Variants in ENSA observed in about 807,000 individuals in gnomAD.
The protein encoded by ENSA is alpha-endosulfine.
A neutral mutation model predicts 16.8 loss-of-function variants in ENSA; 7 were observed. The ratio of observed to expected loss-of-function variants is 0.42; its 90% CI spans 0.24 to 0.78. ENSA has a LOEUF of 0.78. Among genes scored for constraint, ENSA ranks in the 30% least tolerant of loss-of-function variants. ENSA has a pLI of 0.29. For synonymous variants in ENSA, 58 were observed against 53.4 expected, an observed-to-expected ratio of 1.09 and a Z score of -0.37; for missense variants, 87 against 142.3, an observed-to-expected ratio of 0.61 and a Z score of 1.98.
At chr1:150,624,298 C>G in intron 3 of ENSA, 1 of 985,956 alleles carries the variant, frequency 1.0e-6, no homozygotes, top group Non-Finnish European at 1.2e-6. Flanking sequence ...CCAGCTTCCT[C>G]CAAGGTGAAT....
intron 3 of ENSA, chr1:150,625,431 C>T: frequency 7.9e-7 from 1 of 1,269,362 alleles, no homozygotes; most frequent in South Asian, 2.8e-5. Flanking sequence ...ACCTGGACTA[C>T]AGGGAGTGTG....
chr1:150,625,958 A>G (rs1356981770), intron 2 of ENSA, 150 bp from the exon 3 acceptor site: 12 of 1,320,672 alleles, frequency 9.1e-6, no homozygotes, highest in Non-Finnish European at 1.1e-5. Context: ...TACACAGTTT[A>G]ACATTAATTA....
intron 1 of ENSA, among the ~76,000 whole-genome samples, chr1:150,628,379 T>C (rs904273647): frequency 6.6e-6 from 1 of 152,108 alleles, no homozygotes; most frequent in Non-Finnish European, 1.5e-5. Context: ...AATGATACTG[T>C]TTTTAACCTC....
chr1:150,629,528 G>T lies in ENSA; in HGVS notation c.-58C>A. On this transcript the variant is annotated 5_prime_UTR_variant, in exon 1 of 4. Transcript: ENST00000369014. ...CGGGAAGGCAACCGGAGAAGGGAAGGGGGAGGGGAAACGGGGACAACCTGC... is the reference window on the plus strand; with the variant it reads ...CGGGAAGGCAACCGGAGAAGGGAAGTGGGAGGGGAAACGGGGACAACCTGC... The T allele has an allele frequency of 1.3e-6, 2 of 1,589,578 alleles. No individual in the cohort carries two copies. The highest frequency in any genetic ancestry group is 1.1e-5 in the South Asian group (1 of 88,460).
At chr1:150,621,247 CT>C (rs1429344958), downstream of ENSA, 2 of 152,064 alleles carry the variant, frequency 1.3e-5, no homozygotes, top group African/African-American at 4.8e-5. Context: ...ACTTGTGTCT[CT>C]AGTTTAAATT....
At chr1:150,623,098 T>C (rs1179893730) in intron 3 of ENSA, among the ~76,000 whole-genome samples, 3 of 152,140 alleles carry the variant, frequency 2.0e-5, no homozygotes, top group African/African-American at 7.2e-5. Context: ...TATCCATGGA[T>C]AACAAACATA....
chr1:150,628,926 C>T, intron 1 of ENSA: 2 of 908,562 alleles, frequency 2.2e-6, no homozygotes, highest in South Asian at 1.6e-5. Context: ...AGAAAGTTGC[C>T]GCCTTAAACT....
chr1:150,624,591 C>T, intron 3 of ENSA: 1 of 985,726 alleles, frequency 1.0e-6, no homozygotes, highest in Non-Finnish European at 1.2e-6. Flanking sequence ...TTTTTTGACC[C>T]TCAAGACTGT....
At chr1:150,624,598 C>T in intron 3 of ENSA, 2 of 985,844 alleles carry the variant, frequency 2.0e-6, no homozygotes, top group Non-Finnish European at 1.2e-6. Flanking sequence ...ACCCTCAAGA[C>T]TGTGATATCT....
At chr1:150,626,506 C>A (rs764662431) in intron 2 of ENSA, 2 of 1,613,852 alleles carry the variant, frequency 1.2e-6, no homozygotes, top group East Asian at 4.5e-5. Flanking sequence ...GAAGCACACT[C>A]CAATGTAATG....
intron 1 of ENSA, among the ~76,000 whole-genome samples, chr1:150,628,822 G>T (rs587647594): frequency 5.5e-4 from 84 of 152,254 alleles, no homozygotes; most frequent in African/African-American, 1.8e-3. Flanking sequence ...TAATTACCAT[G>T]ATTCTGTTTG....
Position 150,622,607 on chromosome 1 carries a change from C to A in ENSA, c.*237G>T. 9.1e-6 allele frequency: 1 copy of A among 110,482 alleles called. No homozygotes were observed. The highest frequency in any genetic ancestry group is 3.3e-4 in the East Asian group (1 of 3,058). The allele number at this position is 110,482 out of a possible 1,614,324, so 6.8% of individuals were successfully genotyped here. On this transcript the variant is annotated 3_prime_UTR_variant, in exon 4 of 4. Transcript: ENST00000369014. ...CACCCCCAGAATTTCATTGATATTTCTCCCAACTGTTATTTGGAAAAAAGG... is the reference window on the plus strand; with the variant it reads ...CACCCCCAGAATTTCATTGATATTTATCCCAACTGTTATTTGGAAAAAAGG...
Position 150,622,852 on chromosome 1 carries a change from C to T in ENSA, c.358G>A (p.Val120Ile). 1.3e-6 allele frequency: 2 copies of T among 1,537,928 alleles called. No individual in the cohort carries two copies. The highest frequency in any genetic ancestry group is 1.8e-6 in the Non-Finnish European group (2 of 1,138,978). ...LVTSKLAGGQ[V>I]E ...CAGAGCCCCGGGCAGCATCATTCAA[C>T]TTGGCCACTGCGGACGAACACAGAA... The change falls in exon 4 of 4, where the codon GTT becomes ATT. Residue 120 changes from valine to isoleucine, a missense_variant. By Grantham distance (29) the Val-to-Ile change is conservative. Transcript: ENST00000369014.
chr1:150,622,935 C>G (rs2101733642), intron 3 of ENSA, 76 bp from the exon 4 acceptor site: 1 of 1,500,954 alleles, frequency 6.7e-7, no homozygotes, highest in East Asian at 2.5e-5. Context: ...TGAACTCCAA[C>G]CCAGTCTCTA....
intron 1 of ENSA, among the ~76,000 whole-genome samples, chr1:150,628,498 C>T (rs75669298): frequency 1.4e-5 from 2 of 143,008 alleles, no homozygotes; most frequent in African/African-American, 5.1e-5. Context: ...TAGTCAATCT[C>T]TTTTTTTTTT....
intron 3 of ENSA, chr1:150,624,185 G>A (rs927856511): frequency 6.1e-5 from 60 of 985,438 alleles, no homozygotes; most frequent in Non-Finnish European, 6.9e-5. Flanking sequence ...CTGTTCATGA[G>A]TCAGCATGGC....
At chr1:150,629,193 GC>G in intron 1 of ENSA, 4 of 1,604,526 alleles carry the variant, frequency 2.5e-6, no homozygotes, top group Non-Finnish European at 3.4e-6. Context: ...TGAGCGGTAG[GC>G]CTATTGGCCA....
At chr1:150,626,944 ACTCT>A in intron 2 of ENSA, 1 of 602,680 alleles carries the variant, frequency 1.7e-6, no homozygotes, top group Non-Finnish European at 2.2e-6. Context: ...ATGAAAGTAG[ACTCT>A]CTCTTGGTAA....
intron 1 of ENSA, among the ~76,000 whole-genome samples, chr1:150,628,039 G>A (rs988415842): frequency 6.6e-6 from 1 of 152,148 alleles, no homozygotes; most frequent in Non-Finnish European, 1.5e-5. Flanking sequence ...ACTCATGCCT[G>A]TAATCCCAGC....
Sources: allele counts gnomAD v4.1 joint callset (sites outside exome capture counted in the v4.1 genomes callset), GRCh38; gene constraint gnomAD v4.1.1; transcripts MANE v1.5; gene names NCBI Gene and HGNC (gene_info 2026-07-23, HGNC 2026-07-21).